MYRIP: variants seen among roughly 807,000 people sequenced by gnomAD.
The protein encoded by MYRIP is myosin VIIA and Rab interacting protein.
A neutral mutation model predicts 98.0 loss-of-function variants in MYRIP; 49 were observed. That is an observed-to-expected ratio of 0.50 (90% confidence interval 0.40 to 0.63). MYRIP has a LOEUF of 0.63. MYRIP is among the 30% of genes least tolerant of loss of function. The pLI, the probability that MYRIP is intolerant of heterozygous loss-of-function variation, is 0.00. For missense variants in MYRIP, 1,004 were observed against 1,058.2 expected (o/e 0.95, Z 0.71); for synonymous variants, 404 against 409.5 (o/e 0.99, Z 0.16).
At chr3:39,971,319 G>T (rs1056557000) in intron 2 of MYRIP, among the ~76,000 whole-genome samples, 1 of 151,984 alleles carries the variant, frequency 6.6e-6, no homozygotes, top group Non-Finnish European at 1.5e-5. Context: ...AGGGCAGAGA[G>T]CTCTCAGGTA....
intron 3 of MYRIP, among the ~76,000 whole-genome samples, chr3:40,047,600 T>C (rs566719017): frequency 6.6e-6 from 1 of 152,342 alleles, no homozygotes; most frequent in East Asian, 1.9e-4. Flanking sequence ...GAGATTATTA[T>C]TGGCTGAAAC....
chr3:40,206,782 G>T (rs891346424), intron 10 of MYRIP, among the ~76,000 whole-genome samples: 3 of 152,166 alleles, frequency 2.0e-5, no homozygotes, highest in African/African-American at 7.2e-5. Context: ...TGTGTTTGCT[G>T]GATGTAGACT....
At chr3:40,136,145 T>C (rs907839980) in intron 3 of MYRIP, among the ~76,000 whole-genome samples, 6 of 152,116 alleles carry the variant, frequency 3.9e-5, no homozygotes, top group East Asian at 3.9e-4. Flanking sequence ...ACCCATCTCA[T>C]GTGCGGAGAC....
At chr3:40,165,980 T>G (rs1441870789) in intron 5 of MYRIP, among the ~76,000 whole-genome samples, 2 of 152,162 alleles carry the variant, frequency 1.3e-5, no homozygotes, top group African/African-American at 4.8e-5. Context: ...ATTTAACCAC[T>G]CTGTGCTTCA....
intron 2 of MYRIP, among the ~76,000 whole-genome samples, chr3:40,038,212 T>TA (rs1012624396): frequency 6.6e-6 from 1 of 151,980 alleles, no homozygotes; most frequent in African/African-American, 2.4e-5. Flanking sequence ...TAAATGACAA[T>TA]AAAAAAATTT....
intron 2 of MYRIP, among the ~76,000 whole-genome samples, chr3:39,952,732 C>T (rs1945056116): frequency 6.6e-6 from 1 of 152,130 alleles, no homozygotes; most frequent in African/African-American, 2.4e-5. Context: ...TGAATTTTCC[C>T]CCTCTTTATT....
At chr3:40,064,705 G>A (rs1051099070) in intron 3 of MYRIP, among the ~76,000 whole-genome samples, 2 of 152,176 alleles carry the variant, frequency 1.3e-5, no homozygotes, top group Non-Finnish European at 2.9e-5. Flanking sequence ...CTGTTCTCCT[G>A]ACTTCATTAG....
At chr3:39,816,085 T>G (rs960276532) in intron 1 of MYRIP, among the ~76,000 whole-genome samples, 1 of 151,654 alleles carries the variant, frequency 6.6e-6, no homozygotes, top group African/African-American at 2.4e-5. Context: ...TTTCTTTTTT[T>G]TTTTGTTTTG....
chr3:40,116,322 AG>A (rs1270659789), intron 3 of MYRIP, among the ~76,000 whole-genome samples: 1 of 152,174 alleles, frequency 6.6e-6, no homozygotes, highest in Non-Finnish European at 1.5e-5. Flanking sequence ...AAGTTTCCCA[AG>A]GAACAACTTA....
intron 8 of MYRIP, among the ~76,000 whole-genome samples, chr3:40,176,707 A>G (rs994812549): frequency 6.6e-6 from 1 of 152,120 alleles, no homozygotes; most frequent in African/African-American, 2.4e-5. Flanking sequence ...CGGGAGTTCA[A>G]GACCAGCCTG....
At chr3:40,042,812 A>G (rs1418878057) in intron 2 of MYRIP, among the ~76,000 whole-genome samples, 6 of 152,198 alleles carry the variant, frequency 3.9e-5, no homozygotes, top group Non-Finnish European at 8.8e-5. Context: ...TGAAACTGTC[A>G]TAAGTTGAAA....
intron 1 of MYRIP, among the ~76,000 whole-genome samples, chr3:39,855,879 TG>T (rs1265702899): frequency 6.6e-6 from 1 of 152,162 alleles, no homozygotes; most frequent in Non-Finnish European, 1.5e-5. Flanking sequence ...CAATTTCAGT[TG>T]GGAGATTTTT....
intron 10 of MYRIP, chr3:40,208,855 AG>A (rs1951847477): frequency 6.6e-6 from 1 of 152,144 alleles, no homozygotes; most frequent in African/African-American, 2.4e-5. Context: ...CACCATGAAA[AG>A]TTAGTACTCA....
At chr3:39,876,207 C>T (rs1327099642) in intron 1 of MYRIP, among the ~76,000 whole-genome samples, 2 of 152,020 alleles carry the variant, frequency 1.3e-5, no homozygotes, top group Admixed American at 6.6e-5. Context: ...GATCTTCTTC[C>T]ATCGTTTTAT....
At chr3:40,065,130 C>T (rs1441772089) in intron 3 of MYRIP, among the ~76,000 whole-genome samples, 1 of 152,178 alleles carries the variant, frequency 6.6e-6, no homozygotes, top group Non-Finnish European at 1.5e-5. Flanking sequence ...TCCTTTGATC[C>T]TTCCCAGCTT....
intron 8 of MYRIP, among the ~76,000 whole-genome samples, chr3:40,178,662 T>C (rs890174435): frequency 7.9e-5 from 12 of 152,216 alleles, no homozygotes; most frequent in African/African-American, 2.9e-4. Flanking sequence ...CTAATATTTA[T>C]TGAGTGCTTT....
chr3:39,857,347 A>G (rs1044322132), intron 1 of MYRIP, among the ~76,000 whole-genome samples: 20 of 152,186 alleles, frequency 1.3e-4, no homozygotes, highest in African/African-American at 3.6e-4. Flanking sequence ...AGTGAATGAC[A>G]AAAAAAGACA....
intron 3 of MYRIP, among the ~76,000 whole-genome samples, chr3:40,055,408 G>A (rs1015276004): frequency 2.6e-5 from 4 of 152,152 alleles, no homozygotes; most frequent in African/African-American, 4.8e-5. Flanking sequence ...CATAGGTAAT[G>A]CTCCTCATTT....
At chr3:39,889,705 C>T (rs1294963831) in intron 1 of MYRIP, among the ~76,000 whole-genome samples, 1 of 151,940 alleles carries the variant, frequency 6.6e-6, no homozygotes, top group East Asian at 1.9e-4. Flanking sequence ...ACAATTTTTT[C>T]CTCATTTGAC....
Sources: gnomAD v4.1 joint callset for allele counts (sites outside exome capture counted in the v4.1 genomes callset) on GRCh38, gnomAD v4.1.1 for gene constraint, MANE v1.5 for transcripts, NCBI Gene and HGNC (gene_info 2026-07-23, HGNC 2026-07-21) for gene names.